Variants in MEGF10 observed in about 807,000 individuals in gnomAD.
MEGF10 encodes the protein multiple EGF like domains 10.
In MEGF10, 86 loss-of-function variants were observed where a neutral mutation model predicts 147.5. The observed-to-expected ratio is 0.58, with a 90% CI of 0.49 to 0.70. The LOEUF (loss-of-function observed/expected upper bound fraction) is 0.70. Ranked by LOEUF, MEGF10 falls within the 30% of genes least tolerant of loss-of-function variation. The pLI is 0.00. For synonymous variants in MEGF10, 478 were observed against 525.5 expected, an observed-to-expected ratio of 0.91 and a Z score of 1.24; for missense variants, 1,329 against 1,487.3, an observed-to-expected ratio of 0.89 and a Z score of 1.75.
At chr5:127,261,419 A>G in the MEGF10 span, among the ~76,000 whole-genome samples, 11 of 152,194 alleles carry the variant, frequency 7.2e-5, no homozygotes, top group Non-Finnish European at 1.5e-5. Flanking sequence ...TGGTTCATTC[A>G]TTCTTGTTGT....
the MEGF10 span, among the ~76,000 whole-genome samples, chr5:127,278,005 C>A: frequency 6.6e-6 from 1 of 151,872 alleles, no homozygotes; most frequent in South Asian, 2.1e-4. Flanking sequence ...AGAGGTCAAG[C>A]CTGAAGATCT....
intron 21 of MEGF10, 80 bp from the exon 22 acceptor site, chr5:127,449,019 A>T: frequency 6.4e-7 from 1 of 1,561,602 alleles, no homozygotes. Context: ...TGTGCCCTGG[A>T]CTTTTCCCCA....
intron 21 of MEGF10, among the ~76,000 whole-genome samples, chr5:127,448,690 A>G (rs1766040080): frequency 1.3e-5 from 2 of 152,164 alleles, no homozygotes; most frequent in South Asian, 4.1e-4. Flanking sequence ...GGCAAAGCAG[A>G]TAATCTTATC....
At chr5:127,245,095 G>GA in the MEGF10 span, among the ~76,000 whole-genome samples, 5 of 151,914 alleles carry the variant, frequency 3.3e-5, no homozygotes, top group African/African-American at 7.3e-5. Context: ...CACAGAATTA[G>GA]AAAAAAACTA....
At chr5:127,380,529 T>G in intron 5 of MEGF10, among the ~76,000 whole-genome samples, 1 of 151,872 alleles carries the variant, frequency 6.6e-6, no homozygotes, top group East Asian at 1.9e-4. Flanking sequence ...TTTTCTTTTT[T>G]TTTTTTGAGA....
chr5:127,325,515 G>A (rs191842155), intron 1 of MEGF10, among the ~76,000 whole-genome samples: 316 of 152,178 alleles, frequency 2.1e-3, no homozygotes, highest in South Asian at 0.017. Context: ...TATAATGACC[G>A]TGGGGTTGGC....
chr5:127,380,872 T>C (rs922748948), intron 5 of MEGF10, among the ~76,000 whole-genome samples: 31 of 152,286 alleles, frequency 2.0e-4, no homozygotes, highest in African/African-American at 6.7e-4. Context: ...GACTGGTAGC[T>C]GCAATGAAAT....
chr5:127,302,370 C>T (rs1759814193), intron 1 of MEGF10, among the ~76,000 whole-genome samples: 6 of 152,088 alleles, frequency 3.9e-5, no homozygotes, highest in Admixed American at 3.9e-4. Flanking sequence ...AAAAGCTAGA[C>T]ACAAAAGACC....
intron 2 of MEGF10, among the ~76,000 whole-genome samples, chr5:127,333,967 T>G (rs1761369466): frequency 2.0e-5 from 3 of 152,122 alleles, no homozygotes; most frequent in Non-Finnish European, 4.4e-5. Context: ...TTTTTTTAAA[T>G]GTACTGCCAG....
the MEGF10 span, among the ~76,000 whole-genome samples, chr5:127,265,636 A>G: frequency 6.6e-6 from 1 of 151,996 alleles, no homozygotes; most frequent in Non-Finnish European, 1.5e-5. Context: ...ATGGTATCTC[A>G]TTGTGGTTTT....
intron 8 of MEGF10, among the ~76,000 whole-genome samples, chr5:127,408,403 T>G (rs1256220580): frequency 6.6e-6 from 1 of 152,216 alleles, no homozygotes; most frequent in Non-Finnish European, 1.5e-5. Flanking sequence ...CCTGACAGCC[T>G]TCAGTAGGAG....
intron 3 of MEGF10, 132 bp from the exon 4 acceptor site, chr5:127,340,398 C>A: frequency 1.7e-6 from 1 of 585,010 alleles, no homozygotes; most frequent in Non-Finnish European, 2.9e-6. Context: ...ATCTTAATAT[C>A]TTCTTAGCAA....
At chr5:127,388,781 G>A (rs6595765) in intron 5 of MEGF10, among the ~76,000 whole-genome samples, 27,411 of 151,788 alleles carry the variant, frequency 0.18, 2,624 homozygotes, top group African/African-American at 0.25. Flanking sequence ...TCCTGACCTC[G>A]TGATCCACCC....
In MEGF10 at chr5:127,447,084, C is replaced by G. The variant is rs371592466; in HGVS notation, c.2729-473C>G. Among the ~76,000 whole-genome samples, 69 of 152,322 alleles carry G rather than the reference C, an allele frequency of 4.5e-4. No individual in the cohort carries two copies. In the East Asian group the frequency reaches 5.0e-3, roughly 11 times the overall value. On this transcript the variant is annotated intron_variant, in intron 20 of 24. Transcript: ENST00000503335. ...CAGTTAGGAAGGTAGAGGCCTGTTG[C>G]TTCTAGAAGCTTTGCTGAGTAGGCT...
At chr5:127,373,664 G>A (rs1762925258) in intron 5 of MEGF10, among the ~76,000 whole-genome samples, 1 of 152,122 alleles carries the variant, frequency 6.6e-6, no homozygotes, top group Non-Finnish European at 1.5e-5. Flanking sequence ...GCAACACAGA[G>A]TAACTGGAAA....
the MEGF10 span, among the ~76,000 whole-genome samples, chr5:127,243,592 C>A: frequency 6.6e-6 from 1 of 152,086 alleles, no homozygotes; most frequent in Admixed American, 6.5e-5. Flanking sequence ...AAGATGGTAT[C>A]CTGATTACAT....
intron 5 of MEGF10, among the ~76,000 whole-genome samples, chr5:127,395,675 G>A (rs1200234371): frequency 6.6e-6 from 1 of 150,924 alleles, no homozygotes; most frequent in East Asian, 2.0e-4. Flanking sequence ...CTCCCGAGTA[G>A]CTGGGACTAC....
the MEGF10 span, among the ~76,000 whole-genome samples, chr5:127,283,411 G>A: frequency 2.0e-5 from 3 of 152,110 alleles, no homozygotes; most frequent in Admixed American, 2.0e-4. Context: ...TTGGTATATG[G>A]AAGATAAATC....
At chr5:127,415,327 A>G (rs1204285782) in intron 9 of MEGF10, among the ~76,000 whole-genome samples, 2 of 152,198 alleles carry the variant, frequency 1.3e-5, no homozygotes, top group Non-Finnish European at 2.9e-5. Context: ...AATAAATTGT[A>G]TAGTCACTGT....
Sources: gnomAD v4.1 joint callset for allele counts (sites outside exome capture counted in the v4.1 genomes callset) on GRCh38, gnomAD v4.1.1 for gene constraint, MANE v1.5 for transcripts, NCBI Gene and HGNC (gene_info 2026-07-23, HGNC 2026-07-21) for gene names.